Variants in STX8 observed in about 807,000 individuals in gnomAD.
STX8 encodes syntaxin-8.
STX8 carries 23 observed loss-of-function variants against 37.5 expected under a neutral mutation model. The ratio of observed to expected loss-of-function variants is 0.61; its 90% CI spans 0.44 to 0.87. The LOEUF is 0.87. STX8 is among the 40% of genes least tolerant of loss of function. STX8 has a pLI of 0.00. For synonymous variants in STX8, 115 were observed against 99.1 expected, an observed-to-expected ratio of 1.16 and a Z score of -0.95; for missense variants, 313 against 284.7, an observed-to-expected ratio of 1.10 and a Z score of -0.71.
intron 7 of STX8, among the ~76,000 whole-genome samples, chr17:9,364,485 G>T (rs1307637844): frequency 6.6e-6 from 1 of 152,072 alleles, no homozygotes; most frequent in Non-Finnish European, 1.5e-5. Flanking sequence ...ATTTATCTTT[G>T]TAATAATGAT....
chr17:9,545,501 TA>T (rs1168171391), intron 3 of STX8, among the ~76,000 whole-genome samples: 6 of 152,198 alleles, frequency 3.9e-5, no homozygotes, highest in African/African-American at 9.6e-5. Flanking sequence ...GAGGCACTTA[TA>T]AACACTGACG....
At chr17:9,274,718 C>A (rs57336535) in intron 7 of STX8, among the ~76,000 whole-genome samples, 1 of 86,280 alleles carries the variant, frequency 1.2e-5, no homozygotes, top group Non-Finnish European at 2.5e-5. Context: ...TAATAATAAA[C>A]AAAGTCTTCA....
chr17:9,500,839 T>TA (rs1424883597), intron 5 of STX8, among the ~76,000 whole-genome samples: 6 of 151,678 alleles, frequency 4.0e-5, no homozygotes, highest in East Asian at 1.9e-4. Context: ...TGTCTCTATT[T>TA]AAAAAAATAC....
intron 4 of STX8, among the ~76,000 whole-genome samples, chr17:9,505,941 C>CAA (rs11311287): frequency 3.9e-5 from 4 of 101,592 alleles, no homozygotes; most frequent in African/African-American, 1.5e-4. Context: ...GACTCTGTCT[C>CAA]AAAAAAAAAA....
At chr17:9,321,483 T>C (rs976379665) in intron 7 of STX8, among the ~76,000 whole-genome samples, 7 of 151,732 alleles carry the variant, frequency 4.6e-5, no homozygotes. Context: ...TGAGCTGAGA[T>C]AGAAAAAGAA....
intron 6 of STX8, among the ~76,000 whole-genome samples, chr17:9,410,884 A>G (rs1912957308): frequency 6.6e-6 from 1 of 152,250 alleles, no homozygotes. Flanking sequence ...AAATGATTAC[A>G]AAGCAAAACC....
intron 7 of STX8, among the ~76,000 whole-genome samples, chr17:9,301,144 C>G (rs1051493068): frequency 6.6e-6 from 1 of 151,914 alleles, no homozygotes; most frequent in African/African-American, 2.4e-5. Context: ...TTATTTTGTT[C>G]TTGATCTGAT....
chr17:9,450,948 A>G (rs946234843), intron 6 of STX8, among the ~76,000 whole-genome samples: 1 of 152,112 alleles, frequency 6.6e-6, no homozygotes, highest in Non-Finnish European at 1.5e-5. Context: ...CACAAAAAAG[A>G]TTTGCCAAGC....
chr17:9,442,786 G>A (rs1248391758), intron 6 of STX8, among the ~76,000 whole-genome samples: 3 of 152,126 alleles, frequency 2.0e-5, no homozygotes, highest in African/African-American at 7.2e-5. Context: ...TTACAGCACT[G>A]AGGGGCAAGC....
chr17:9,506,953 G>A (rs947252471), intron 4 of STX8, among the ~76,000 whole-genome samples: 6 of 151,916 alleles, frequency 3.9e-5, no homozygotes, highest in Non-Finnish European at 7.4e-5. Context: ...ACAGGTGGCT[G>A]AACTCCACAA....
At chr17:9,522,258 G>T (rs1159116332) in intron 4 of STX8, among the ~76,000 whole-genome samples, 1 of 152,150 alleles carries the variant, frequency 6.6e-6, no homozygotes, top group East Asian at 1.9e-4. Flanking sequence ...CATATTTATG[G>T]TGACTGAGAG....
rs1174589673 is a variant in STX8 at position 9,275,822 on chromosome 17, C to T, written c.644-25177G>A. 2.6e-5 allele frequency among the ~76,000 whole-genome samples: 4 copies of T among 151,324 alleles called. No individual in the cohort carries two copies. In the East Asian group the frequency reaches 5.8e-4, roughly 22 times the overall value. On this transcript the variant is annotated intron_variant, in intron 7 of 7. Coordinates refer to ENST00000306357, the MANE Select transcript of STX8 (RefSeq NM_004853.3). ...AGCAGAGGATGTAGTGAGCCAAGAT[C>T]GTGCCACTGCACTCCAGCCTGGTCA... is the stretch of plus-strand genomic sequence containing the variant.
chr17:9,286,543 T>G (rs1051009073), intron 7 of STX8, among the ~76,000 whole-genome samples: 1 of 152,204 alleles, frequency 6.6e-6, no homozygotes, highest in Non-Finnish European at 1.5e-5. Flanking sequence ...CCTCAATACA[T>G]CTTTCAAGTT....
At chr17:9,265,204 C>T (rs1209911110) in intron 7 of STX8, among the ~76,000 whole-genome samples, 1 of 150,018 alleles carries the variant, frequency 6.7e-6, no homozygotes, top group Non-Finnish European at 1.5e-5. Flanking sequence ...TATTATTTTA[C>T]AAGCAATCTT....
intron 1 of STX8, among the ~76,000 whole-genome samples, chr17:9,573,832 T>C (rs1907787247): frequency 6.6e-6 from 1 of 152,052 alleles, no homozygotes; most frequent in South Asian, 2.1e-4. Flanking sequence ...TTCCTACTTC[T>C]AGACAGGGAG....
chr17:9,366,175 C>T (rs557546623), intron 7 of STX8, among the ~76,000 whole-genome samples: 5 of 152,314 alleles, frequency 3.3e-5, no homozygotes, highest in African/African-American at 1.2e-4. Context: ...ATGCCTTCTT[C>T]GAATCTATTT....
Position 9,520,997 on chromosome 17 carries a change from A to T in STX8, c.324-15835T>A, listed in dbSNP as rs551495046. Among the ~76,000 whole-genome samples, 9 of 152,302 alleles carry T rather than the reference A, an allele frequency of 5.9e-5. No homozygotes were observed. In the South Asian group the frequency reaches 1.5e-3, roughly 25 times the overall value. Reference sequence around the variant, plus strand: ...TGAGTCTGCAAAGCTTCGTAACTAGACTTGCCTATAGATTTGAAAACACTC... The same window carrying T: ...TGAGTCTGCAAAGCTTCGTAACTAGTCTTGCCTATAGATTTGAAAACACTC... On this transcript the variant is annotated intron_variant, in intron 4 of 7. Transcript: ENST00000306357.
chr17:9,270,500 C>T (rs1054327450), intron 7 of STX8, among the ~76,000 whole-genome samples: 4 of 152,080 alleles, frequency 2.6e-5, no homozygotes, highest in Admixed American at 6.6e-5. Flanking sequence ...GTGATCTGCC[C>T]ACCTCGGCCT....
intron 6 of STX8, among the ~76,000 whole-genome samples, chr17:9,470,524 A>C (rs990727613): frequency 6.6e-6 from 1 of 152,224 alleles, no homozygotes; most frequent in African/African-American, 2.4e-5. Flanking sequence ...TGAAACTGTG[A>C]AGAGCTACAA....
Sources: gnomAD v4.1 joint callset for allele counts (sites outside exome capture counted in the v4.1 genomes callset) on GRCh38, gnomAD v4.1.1 for gene constraint, MANE v1.5 for transcripts, NCBI Gene and HGNC (gene_info 2026-07-23, HGNC 2026-07-21) for gene names.